The following ERO1B variants were observed in gnomAD, a reference collection of about 807,000 sequenced individuals.
The protein encoded by ERO1B is ERO1-like protein beta.
ERO1B carries 49 observed loss-of-function variants against 75.3 expected under a neutral mutation model. That is an observed-to-expected ratio of 0.65 (90% CI 0.52 to 0.83). The LOEUF (loss-of-function observed/expected upper bound fraction) is 0.83. Ranked by LOEUF, ERO1B falls within the 40% of genes least tolerant of loss-of-function variation. ERO1B has a pLI of 0.00. For missense variants in ERO1B, 512 were observed against 560.1 expected, an observed-to-expected ratio of 0.91 and a Z score of 0.87; for synonymous variants, 191 against 192.9, an observed-to-expected ratio of 0.99 and a Z score of 0.08.
At chr1:236,266,159 T>A (rs990317835) in intron 2 of ERO1B, among the ~76,000 whole-genome samples, 9 of 152,180 alleles carry the variant, frequency 5.9e-5, no homozygotes, top group Admixed American at 2.6e-4. Flanking sequence ...AAACTAATCA[T>A]TCAATAAATA....
At chr1:236,277,109 C>T (rs1665724750) in intron 1 of ERO1B, among the ~76,000 whole-genome samples, 1 of 152,112 alleles carries the variant, frequency 6.6e-6, no homozygotes, top group Non-Finnish European at 1.5e-5. Context: ...TACAGCAATA[C>T]AAGAATGGAC....
chr1:236,252,110 G>C lies in ERO1B; in HGVS notation c.307-19C>G. On this transcript the variant is annotated intron_variant, in intron 3 of 15. Coordinates refer to ENST00000354619, the MANE Select transcript of ERO1B (RefSeq NM_019891.4). ...TTTTACTCTTAAAAAAACAAGAAAAGCAAAAAAATTTTTAAGTGATCTTTA... is the reference window on the plus strand; with the variant it reads ...TTTTACTCTTAAAAAAACAAGAAAACCAAAAAAATTTTTAAGTGATCTTTA... 6.4e-7 allele frequency: 1 copy of C among 1,555,322 alleles called. No homozygotes were observed. Among genetic ancestry groups the C allele is most frequent in the Non-Finnish European group, 8.8e-7 (1 of 1,134,890 alleles).
intron 1 of ERO1B, 61 bp downstream of exon 1, chr1:236,281,621 C>T: frequency 8.6e-7 from 1 of 1,167,678 alleles, no homozygotes; most frequent in Non-Finnish European, 1.1e-6. Flanking sequence ...AGCCGCGGCC[C>T]GTGTGTAGCG....
At chr1:236,274,271 A>C (rs1157398345) in intron 1 of ERO1B, among the ~76,000 whole-genome samples, 1 of 152,210 alleles carries the variant, frequency 6.6e-6, no homozygotes, top group Non-Finnish European at 1.5e-5. Context: ...GGTGTGAGCC[A>C]CTGTGCCAGC....
chr1:236,216,485 T>G lies in ERO1B; in HGVS notation c.*2031A>C, dbSNP rs980543455. On this transcript the variant is annotated 3_prime_UTR_variant, in exon 16 of 16. Transcript: ENST00000354619. ...AAGATGAATTTCAGCCTAAGAATAC[T>G]TCATTTATTTTCTTAGTTGTGAAAA... 6.6e-6 allele frequency: 1 copy of G among 152,126 alleles called. No individual in the cohort carries two copies. The highest frequency in any genetic ancestry group is 1.5e-5 in the Non-Finnish European group (1 of 67,996). The allele number at this position is 152,126 out of a possible 1,614,324, so 9.4% of individuals were successfully genotyped here. A position where few individuals can be genotyped will look rare whatever the true frequency, so the allele number is the denominator to read the frequency against.
intron 13 of ERO1B, among the ~76,000 whole-genome samples, chr1:236,222,461 A>C (rs929614092): frequency 3.9e-5 from 6 of 152,326 alleles, no homozygotes; most frequent in African/African-American, 1.4e-4. Flanking sequence ...CTTGTATACT[A>C]TAACATGGTA....
intron 6 of ERO1B, among the ~76,000 whole-genome samples, chr1:236,241,918 A>G (rs1053837810): frequency 3.9e-5 from 6 of 152,004 alleles, no homozygotes; most frequent in Non-Finnish European, 8.8e-5. Flanking sequence ...TATACAAAAA[A>G]TTAGCTGGGC....
intron 8 of ERO1B, among the ~76,000 whole-genome samples, chr1:236,233,949 A>G (rs2695032): frequency 0.93 from 141,587 of 152,226 alleles, 66,721 homozygotes; most frequent in East Asian, 1. Context: ...TTTATTATGT[A>G]GGTTCTGAAA....
intron 2 of ERO1B, among the ~76,000 whole-genome samples, chr1:236,256,852 CACAGAGAACAA>C (rs1665171702): frequency 6.6e-6 from 1 of 152,126 alleles, no homozygotes; most frequent in South Asian, 2.1e-4. Context: ...TCTCCTAGAC[CACAGAGAACAA>C]ACAGGTGACT....
intron 1 of ERO1B, among the ~76,000 whole-genome samples, chr1:236,270,734 G>T (rs1229885017): frequency 6.6e-6 from 1 of 152,102 alleles, no homozygotes; most frequent in African/African-American, 2.4e-5. Flanking sequence ...GAATTATCCT[G>T]AATGAAAAAG....
rs767869367 is a variant in ERO1B at position 236,269,941 on chromosome 1, G to A, written c.156C>T (p.Phe52=). 1.2e-6 allele frequency: 2 copies of A among 1,603,972 alleles called. No individual in the cohort carries two copies. The highest frequency in any genetic ancestry group is 1.7e-5 in the Admixed American group (1 of 59,980). Residue 52 remains phenylalanine, a synonymous_variant, in exon 2 of 16, where the codon TTC becomes TTT. Transcript: ENST00000354619. ...CLCDIDSIDN[F]NTYKIFPKIK... ...TTTTGGGGAAGATTTTGTAGGTATTGAAGTTATCGATGCTGTCAATATCAC... is the reference window on the plus strand; with the variant it reads ...TTTTGGGGAAGATTTTGTAGGTATTAAAGTTATCGATGCTGTCAATATCAC...
At chr1:236,241,584 C>T (rs1187730462) in intron 6 of ERO1B, among the ~76,000 whole-genome samples, 2 of 151,854 alleles carry the variant, frequency 1.3e-5, no homozygotes, top group Non-Finnish European at 2.9e-5. Context: ...GCATATAAAC[C>T]ATTGGAATAT....
intron 1 of ERO1B, among the ~76,000 whole-genome samples, chr1:236,271,427 T>C (rs1436786099): frequency 1.3e-5 from 2 of 152,174 alleles, no homozygotes; most frequent in African/African-American, 4.8e-5. Context: ...GAATTTTGGC[T>C]CTAGAGTTAC....
chr1:236,228,193 T>A (rs963375528), intron 10 of ERO1B, among the ~76,000 whole-genome samples: 9 of 152,010 alleles, frequency 5.9e-5, no homozygotes, highest in African/African-American at 1.9e-4. Context: ...AACCAGGACC[T>A]GGAAAACTGG....
chr1:236,251,527 G>C (rs1224822801), intron 4 of ERO1B: 1 of 924,240 alleles, frequency 1.1e-6, no homozygotes, highest in African/African-American at 1.8e-5. Flanking sequence ...GACAGAGAGA[G>C]AGGGTATGAT....
At chr1:236,270,695 G>C (rs1665569302) in intron 1 of ERO1B, among the ~76,000 whole-genome samples, 1 of 152,134 alleles carries the variant, frequency 6.6e-6, no homozygotes, top group South Asian at 2.1e-4. Context: ...CTCATTGACT[G>C]ATATGCACAA....
chr1:236,222,153 A>G, intron 13 of ERO1B, 143 bp from the exon 14 acceptor site: 1 of 684,546 alleles, frequency 1.5e-6, no homozygotes, highest in South Asian at 1.8e-5. Flanking sequence ...TTTGTCGCCC[A>G]GGCTGGAGTG....
Position 236,281,711 on chromosome 1 carries a change from T to G in ERO1B, c.73A>C (p.Ser25Arg). Residue 25 changes from serine (S) to arginine (R), a missense_variant, in exon 1 of 16, where the codon AGC becomes CGC. By Grantham distance (110) the Ser-to-Arg change is moderately radical. Transcript: ENST00000354619. The part of the protein sequence containing the change: ...AAAVQLLVTL[S>R]FLRSVVEAQV... ...GCCTCGACGACGCTCCGCAGGAAGC[T>G]CAGGGTGACCAGCAGCTGCACCGCG... 1.3e-6 allele frequency: 2 copies of G among 1,509,858 alleles called. No individual in the cohort carries two copies. Among genetic ancestry groups the G allele is most frequent in the Non-Finnish European group, 1.8e-6 (2 of 1,132,096 alleles). The allele number at this position is 1,509,858 out of a possible 1,614,324, so 93.5% of individuals were successfully genotyped here.
At chr1:236,268,511 A>T (rs780627005) in intron 2 of ERO1B, among the ~76,000 whole-genome samples, 1 of 152,204 alleles carries the variant, frequency 6.6e-6, no homozygotes, top group African/African-American at 2.4e-5. Flanking sequence ...ATAGATAGAT[A>T]GATTGATCAA....
Sources: gnomAD v4.1 joint callset for allele counts (sites outside exome capture counted in the v4.1 genomes callset) on GRCh38, gnomAD v4.1.1 for gene constraint, MANE v1.5 for transcripts, NCBI Gene and HGNC (gene_info 2026-07-23, HGNC 2026-07-21) for gene names.